HAUS7: variants seen among roughly 807,000 people sequenced by gnomAD.
HAUS7 encodes HAUS augmin-like complex subunit 7.
HAUS7 carries 3 observed loss-of-function variants against 28.4 expected under a neutral mutation model. That is an observed-to-expected ratio of 0.11 (90% confidence interval 0.05 to 0.27). The LOEUF (loss-of-function observed/expected upper bound fraction) is 0.27. HAUS7 is among the 10% of genes least tolerant of loss of function. HAUS7 has a pLI of 1.00. For synonymous variants in HAUS7, 165 were observed against 132.1 expected, an observed-to-expected ratio of 1.25 and a Z score of -1.71; for missense variants, 284 against 297.3, an observed-to-expected ratio of 0.96 and a Z score of 0.33.
upstream of HAUS7, among the ~76,000 whole-genome samples, chrX:153,471,597 T>C (rs1209912591): frequency 2.7e-5 from 3 of 112,789 alleles, no homozygotes; most frequent in Non-Finnish European, 5.6e-5. Flanking sequence ...GGGTGGCTTG[T>C]GCCCAGTAGC....
chrX:153,471,389 C>T (rs1299421810), upstream of HAUS7, among the ~76,000 whole-genome samples: 2 of 112,563 alleles, frequency 1.8e-5, no homozygotes, highest in African/African-American at 3.2e-5. Context: ...GCTCCCCTCA[C>T]GGCTCCTGGG....
intron 1 of HAUS7, among the ~76,000 whole-genome samples, chrX:153,479,048 T>C (rs1556986808): frequency 9.4e-6 from 1 of 106,921 alleles, no homozygotes; most frequent in East Asian, 2.9e-4. Context: ...GTGGGAGCAG[T>C]GCACGTTGTG....
At chrX:153,479,465 T>C in intron 1 of HAUS7, 1 of 626,410 alleles carries the variant, frequency 1.6e-6, no homozygotes, top group Non-Finnish European at 1.9e-6. Context: ...CAGGCAGGGC[T>C]GCAAAGGGCC....
intron 4 of HAUS7, among the ~76,000 whole-genome samples, chrX:153,459,282 G>A (rs1178329649): frequency 4.5e-5 from 5 of 111,786 alleles, no homozygotes; most frequent in East Asian, 5.6e-4. Context: ...TAATAGATTC[G>A]GGATACAAGT....
intron 3 of HAUS7, among the ~76,000 whole-genome samples, chrX:153,463,632 T>C (rs181396710): frequency 3.6e-5 from 4 of 112,293 alleles, no homozygotes; most frequent in Non-Finnish European, 7.5e-5. Flanking sequence ...AAAGCCCACG[T>C]CCTTCTGGGG....
At chrX:153,473,776 C>T (rs901363736), upstream of HAUS7, among the ~76,000 whole-genome samples, 3 of 111,818 alleles carry the variant, frequency 2.7e-5, no homozygotes, top group Admixed American at 2.8e-4. Flanking sequence ...GCCTCTGCCT[C>T]CCCTCCCCTC....
At chrX:153,493,298 A>G (rs2089682821) in intron 1 of HAUS7, among the ~76,000 whole-genome samples, 1 of 111,940 alleles carries the variant, frequency 8.9e-6, no homozygotes, top group Admixed American at 9.5e-5. Context: ...GGCTGCTGTC[A>G]CTGAGCGGAA....
intron 1 of HAUS7, chrX:153,482,584 G>A: frequency 2.8e-6 from 2 of 718,266 alleles, no homozygotes; most frequent in Non-Finnish European, 3.3e-6. Flanking sequence ...AGTGCCCAGG[G>A]CAGCCTGGCT....
intron 1 of HAUS7, among the ~76,000 whole-genome samples, chrX:153,488,472 C>A (rs782716497): frequency 7.3e-4 from 83 of 113,138 alleles, no homozygotes; most frequent in African/African-American, 2.6e-3. Context: ...CCCCTGCCCC[C>A]ACCCCTGAGT....
At chrX:153,467,290 T>C (rs186202275) in intron 2 of HAUS7, among the ~76,000 whole-genome samples, 188 of 111,938 alleles carry the variant, frequency 1.7e-3, no homozygotes, top group African/African-American at 5.7e-3. Flanking sequence ...CCCTGGGGTA[T>C]TGGTCTCCCT....
chrX:153,463,830 T>C (rs782196980), intron 3 of HAUS7, among the ~76,000 whole-genome samples: 3 of 112,961 alleles, frequency 2.7e-5, no homozygotes, highest in South Asian at 3.6e-4. Context: ...TGCCATCTTA[T>C]GTCAAGACAG....
At chrX:153,493,067 C>T (rs12012545) in intron 1 of HAUS7, among the ~76,000 whole-genome samples, 2,772 of 112,339 alleles carry the variant, frequency 0.025, 92 homozygotes, top group African/African-American at 0.084. Flanking sequence ...GCATTGAGCA[C>T]GTACAAGGCA....
chrX:153,470,631 C>T (rs782559524), upstream of HAUS7: 4 of 1,152,857 alleles, frequency 3.5e-6, no homozygotes, highest in Admixed American at 9.7e-5. Context: ...CAACCTCCAG[C>T]GTTCTTCCCG....
chrX:153,448,033 C>G (rs1556980388), intron 9 of HAUS7, 124 bp from the exon 10 acceptor site: 3 of 538,414 alleles, frequency 5.6e-6, no homozygotes, highest in East Asian at 3.4e-5. Flanking sequence ...CCCAGCCATC[C>G]CATTACTGGG....
chrX:153,448,073 G>A lies in HAUS7; in HGVS notation c.1046-164C>T, dbSNP rs1297093302. Among the ~76,000 whole-genome samples the A allele has an allele frequency of 2.7e-5, 3 of 110,272 alleles. No homozygotes were observed. The East Asian group carries it at 8.4e-4, about 31-fold the overall frequency. ...TACCCAAAGGACTATAAATCATGCT[G>A]CTATACAGACACATGCACACGTATG... On this transcript the variant is annotated intron_variant, in intron 9 of 9. Coordinates refer to ENST00000370211, the MANE Select transcript of HAUS7 (RefSeq NM_001385482.1).
intron 1 of HAUS7, among the ~76,000 whole-genome samples, chrX:153,484,485 TC>T (rs2089622624): frequency 9.3e-6 from 1 of 107,549 alleles, no homozygotes; most frequent in African/African-American, 3.4e-5. Context: ...CAGGACACGG[TC>T]CTGGGAACAG....
chrX:153,462,969 G>A, intron 3 of HAUS7: 1 of 432,949 alleles, frequency 2.3e-6, no homozygotes, highest in Non-Finnish European at 4.3e-6. Flanking sequence ...AGGGGTCAGT[G>A]AACCTCTACA....
intron 1 of HAUS7, chrX:153,479,437 A>C (rs1201836013): frequency 2.8e-6 from 2 of 720,319 alleles, no homozygotes; most frequent in African/African-American, 4.7e-5. Context: ...TGTCCACCTC[A>C]GGCCCACTTT....
chrX:153,460,431 G>A (rs2089373319), intron 4 of HAUS7, among the ~76,000 whole-genome samples: 1 of 111,704 alleles, frequency 9.0e-6, no homozygotes, highest in South Asian at 3.7e-4. Context: ...AGATGAACAA[G>A]TTCTGCGGCT....
Sources: allele counts gnomAD v4.1 joint callset (sites outside exome capture counted in the v4.1 genomes callset), GRCh38; gene constraint gnomAD v4.1.1; transcripts MANE v1.5; gene names NCBI Gene and HGNC (gene_info 2026-07-23, HGNC 2026-07-21).